The following PDHA1 variants were observed in gnomAD, a reference collection of about 807,000 sequenced individuals.
PDHA1 encodes pyruvate dehydrogenase E1 component subunit alpha, somatic form, mitochondrial.
Under a neutral mutation model 33.0 loss-of-function variants are expected in PDHA1, and 1 was observed. That is an observed-to-expected ratio of 0.03 (90% CI 0.01 to 0.14). PDHA1 has a LOEUF of 0.14. Ranked by LOEUF, PDHA1 falls within the 10% of genes least tolerant of loss-of-function variation. The pLI is 1.00. For missense variants in PDHA1, 168 were observed against 325.1 expected (o/e 0.52, Z 3.72); for synonymous variants, 123 against 119.2 (o/e 1.03, Z -0.21).
intron 9 of PDHA1, among the ~76,000 whole-genome samples, chrX:19,358,521 G>A (rs746119162): frequency 6.3e-5 from 7 of 111,345 alleles, no homozygotes; most frequent in South Asian, 3.8e-4. Flanking sequence ...CACCATCTCT[G>A]CTGTCCCCAC....
chrX:19,352,794 G>C, intron 4 of PDHA1: 1 of 386,360 alleles, frequency 2.6e-6, no homozygotes, highest in South Asian at 3.5e-5. Flanking sequence ...GTCCTAAGAT[G>C]TTTGTAACTG....
rs544848931 is a variant in PDHA1 at position 19,359,035 on chromosome X, T to C, written c.1008+11T>C. Reference sequence around the variant, plus strand: ...GTGGAAGAACTAAAGGTACAGTCACTTGTTCATGGTGGTTTGAAGGTTGGC... The same window carrying C: ...GTGGAAGAACTAAAGGTACAGTCACCTGTTCATGGTGGTTTGAAGGTTGGC... On this transcript the variant is annotated intron_variant, in intron 10 of 10. Transcript: ENST00000422285. 1.9e-6 allele frequency: 2 copies of C among 1,069,954 alleles called. No individual in the cohort carries two copies. Among genetic ancestry groups the C allele is most frequent in the South Asian group, 3.7e-5 (2 of 53,858 alleles). The allele number at this position is 1,069,954 out of a possible 1,213,427, so 88.2% of individuals were successfully genotyped here.
intron 1 of PDHA1, among the ~76,000 whole-genome samples, chrX:19,348,603 A>G (rs147183548): frequency 3.5e-5 from 4 of 112,846 alleles, no homozygotes; most frequent in African/African-American, 1.3e-4. Context: ...TATTTGAAGT[A>G]TAATTTTGGC....
At position 19,359,542 on chromosome X, in the gene PDHA1, G is replaced by A. The variant is rs147510382; in HGVS notation, c.1062G>A (p.Thr354=). The change falls in exon 11 of 11, where the codon ACG becomes ACA. Residue 354 remains threonine (T), a synonymous_variant. Coordinates refer to ENST00000422285, the MANE Select transcript of PDHA1 (RefSeq NM_000284.4). ...TTGAGGATGCTGCCCAGTTTGCCAC[G>A]GCCGATCCTGAGCCACCTTTGGAAG... ...KEIEDAAQFA[T]ADPEPPLEEL... The A allele has an allele frequency of 8.3e-6, 10 of 1,210,045 alleles. No individual in the cohort carries two copies. The highest frequency in any genetic ancestry group is 5.9e-5 in the East Asian group (2 of 33,824).
At position 19,355,445 on chromosome X, in the gene PDHA1, G is replaced by C; in HGVS notation, c.700G>C (p.Glu234Gln). The change falls in exon 7 of 11, where the codon GAG becomes CAG. Residue 234 changes from glutamate to glutamine, a missense_variant. By Grantham distance (29) the Glu-to-Gln change is conservative. Transcript: ENST00000422285. ...TCGCTATGGAATGGGAACGTCTGTT[G>C]AGAGAGCGGCAGCCAGCACTGATTA... ...NNRYGMGTSVERAAASTDYYK... is the reference protein window; with the variant it reads ...NNRYGMGTSVQRAAASTDYYK... The C allele has an allele frequency of 8.3e-7, 1 of 1,211,911 alleles. No individual in the cohort carries two copies. The highest frequency in any genetic ancestry group is 1.1e-6 in the Non-Finnish European group (1 of 895,195).
chrX:19,354,746 C>T (rs1024409900), intron 6 of PDHA1, among the ~76,000 whole-genome samples, 163 bp downstream of exon 6: 5 of 112,857 alleles, frequency 4.4e-5, no homozygotes, highest in Non-Finnish European at 9.4e-5. Flanking sequence ...AGATTGACCT[C>T]TTAGCGTTGT....
rs919633508 is a variant in PDHA1 at position 19,360,070 on chromosome X, ATATT to A, written c.*422_*425del. The A allele has an allele frequency of 5.9e-5, 11 of 187,336 alleles. No homozygotes were observed. Among genetic ancestry groups the A allele is most frequent in the African/African-American group, 2.1e-4 (7 of 32,833 alleles). The allele number at this position is 187,336 out of a possible 1,213,427, so 15.4% of individuals were successfully genotyped here. ...GCTGACCATTTCTCTACAAGATACA[ATATT>A]TATTATCAGGCAAGAGGACAGTTCC... On this transcript the variant is annotated 3_prime_UTR_variant, in exon 11 of 11. Coordinates refer to ENST00000422285, the MANE Select transcript of PDHA1 (RefSeq NM_000284.4).
In PDHA1 at chrX:19,360,001, C is replaced by G; in HGVS notation, c.*348C>G. ...GGGCCCCTCACAGCATTCTACCAACCATAGCACCCACCCCGAGCAGCGCTG... is the reference window on the plus strand; with the variant it reads ...GGGCCCCTCACAGCATTCTACCAACGATAGCACCCACCCCGAGCAGCGCTG... On this transcript the variant is annotated 3_prime_UTR_variant, in exon 11 of 11. Transcript: ENST00000422285. The G allele has an allele frequency of 7.1e-6, 2 of 281,663 alleles. No individual in the cohort carries two copies. Among genetic ancestry groups the G allele is most frequent in the Admixed American group, 5.2e-5 (1 of 19,206 alleles). The allele number at this position is 281,663 out of a possible 1,213,427, so 23.2% of individuals were successfully genotyped here.
rs2063264179 is a variant in PDHA1 at position 19,360,173 on chromosome X, A to ACTTACACATTCAGTATAAATAT, written c.*521_*542dup. ...AAGGCCACATAACTTAGTTTTCTCT[A>ACTTACACATTCAGTATAAATAT]CTTACACATTCAGTATAAATATGAA... is the stretch of plus-strand genomic sequence containing the variant. On this transcript the variant is annotated 3_prime_UTR_variant, in exon 11 of 11. Coordinates refer to ENST00000422285, the MANE Select transcript of PDHA1 (RefSeq NM_000284.4). 6.7e-6 allele frequency: 1 copy of ACTTACACATTCAGTATAAATAT among 149,171 alleles called. No individual in the cohort carries two copies. The highest frequency in any genetic ancestry group is 3.2e-5 in the African/African-American group (1 of 31,661). 12.3% of individuals were successfully genotyped at this position (149,171 alleles called of 1,213,427 possible).
chrX:19,357,765 G>A (rs1350041652), intron 9 of PDHA1, 46 bp downstream of exon 9: 2 of 968,879 alleles, frequency 2.1e-6, no homozygotes, highest in African/African-American at 1.9e-5. Context: ...GGCTTTGAAT[G>A]GTGTTACATG....
In PDHA1 at chrX:19,361,356, T is replaced by C; in HGVS notation, c.*1703T>C. 8.3e-7 allele frequency: 1 copy of C among 1,206,955 alleles called. No homozygotes were observed. The highest frequency in any genetic ancestry group is 1.1e-6 in the Non-Finnish European group (1 of 891,516). On this transcript the variant is annotated 3_prime_UTR_variant, in exon 11 of 11. Transcript: ENST00000422285. Reference sequence around the variant, plus strand: ...GCTCTTACCGTAGTCGAAGGTATCTTAGATCTTCCTTAGTGATCTCATTAA... The same window carrying C: ...GCTCTTACCGTAGTCGAAGGTATCTCAGATCTTCCTTAGTGATCTCATTAA...
intron 1 of PDHA1, chrX:19,346,731 G>A (rs370972559): frequency 6.1e-6 from 3 of 489,705 alleles, no homozygotes; most frequent in African/African-American, 5.0e-5. Flanking sequence ...TTTGAATAAG[G>A]TTTATAGTTT....
At chrX:19,357,569 C>A in intron 8 of PDHA1, 83 bp from the exon 9 acceptor site, 1 of 730,413 alleles carries the variant, frequency 1.4e-6, no homozygotes, top group Non-Finnish European at 2.2e-6. Context: ...TAATAAAGGG[C>A]CTGCGTTTGA....
chrX:19,356,317 G>A (rs1271917278), intron 8 of PDHA1, among the ~76,000 whole-genome samples: 1 of 111,151 alleles, frequency 9.0e-6, no homozygotes, highest in Non-Finnish European at 1.9e-5. Context: ...AGGTTTGGGT[G>A]TTCTCCCTAA....
In PDHA1 at chrX:19,357,725, C is replaced by T. The variant is rs1444653678; in HGVS notation, c.899+6C>T. On this transcript the variant is annotated splice_donor_region_variant and intron_variant, in intron 9 of 10. Transcript: ENST00000422285. ...ATGAGTGACCCTGGAGTCAGGTACG[C>T]TCATGGGCAGTGTGGTTTCCATAGG... is the stretch of plus-strand genomic sequence containing the variant. 4.7e-5 allele frequency: 56 copies of T among 1,190,709 alleles called. No individual in the cohort carries two copies. The highest frequency in any genetic ancestry group is 6.3e-5 in the Non-Finnish European group (55 of 876,225).
In PDHA1 at chrX:19,360,997, T is replaced by C; in HGVS notation, c.*1344T>C. 2.3e-6 allele frequency: 1 copy of C among 430,554 alleles called. No individual in the cohort carries two copies. Among genetic ancestry groups the C allele is most frequent in the Non-Finnish European group, 4.0e-6 (1 of 251,217 alleles). 35.5% of individuals were successfully genotyped at this position (430,554 alleles called of 1,213,427 possible). ...AGTAGGACATGGCCTTAGAGGTACG[T>C]ACCTGCAGAGAGCTGGCTATTTCAA... On this transcript the variant is annotated 3_prime_UTR_variant, in exon 11 of 11. Coordinates refer to ENST00000422285, the MANE Select transcript of PDHA1 (RefSeq NM_000284.4).
chrX:19,353,834 G>A (rs768484628), intron 5 of PDHA1, among the ~76,000 whole-genome samples: 1 of 111,815 alleles, frequency 8.9e-6, no homozygotes, highest in South Asian at 3.7e-4. Context: ...TGGGGTCCTT[G>A]TTCTCATCAG....
chrX:19,350,774 C>G (rs765013481), intron 3 of PDHA1, among the ~76,000 whole-genome samples: 1 of 111,387 alleles, frequency 9.0e-6, no homozygotes, highest in Non-Finnish European at 1.9e-5. Flanking sequence ...GGGCTTAGGT[C>G]AAGGGTTAGA....
rs183170654 is a variant in PDHA1, at chrX:19,351,352, C to T, written c.363C>T (p.His121=). Residue 121 remains histidine, a synonymous_variant, in exon 4 of 11, where the codon CAC becomes CAT. Coordinates refer to ENST00000422285, the MANE Select transcript of PDHA1 (RefSeq NM_000284.4). ...ATCTCATCACAGCCTACCGGGCTCA[C>T]GGCTTTACTTTCACCCGGGGCCTTT... The part of the protein sequence containing the change: ...TDHLITAYRA[H]GFTFTRGLSV... The T allele has an allele frequency of 1.8e-4, 213 of 1,207,870 alleles. No individual in the cohort carries two copies. Among genetic ancestry groups the T allele is most frequent in the Non-Finnish European group, 2.1e-4 (192 of 893,121 alleles).
Sources: allele counts gnomAD v4.1 joint callset (sites outside exome capture counted in the v4.1 genomes callset), GRCh38; gene constraint gnomAD v4.1.1; transcripts MANE v1.5; gene names NCBI Gene and HGNC (gene_info 2026-07-23, HGNC 2026-07-21).